Variants in AKT3 observed in about 807,000 individuals in gnomAD.
The protein encoded by AKT3 is AKT serine/threonine kinase 3, also known as RAC-gamma serine/threonine-protein kinase.
Under a neutral mutation model 65.3 loss-of-function variants are expected in AKT3, and 15 were observed. The ratio of observed to expected loss-of-function variants is 0.23; its 90% confidence interval spans 0.15 to 0.35. The LOEUF is 0.35. Ranked by LOEUF, AKT3 falls within the 10% of genes least tolerant of loss-of-function variation. AKT3 has a pLI of 1.00. For missense variants in AKT3, 243 were observed against 576.5 expected (o/e 0.42, Z 5.92); for synonymous variants, 206 against 183.8 (o/e 1.12, Z -0.98).
intron 12 of AKT3, among the ~76,000 whole-genome samples, chr1:243,527,553 G>A (rs1671193471): frequency 6.6e-6 from 1 of 152,022 alleles, no homozygotes; most frequent in Non-Finnish European, 1.5e-5. Flanking sequence ...ATTGGGCTTT[G>A]GGATTTTCAA....
At chr1:243,848,410 G>A (rs944821244) in intron 1 of AKT3, among the ~76,000 whole-genome samples, 2 of 152,108 alleles carry the variant, frequency 1.3e-5, no homozygotes. Flanking sequence ...ATATTTTCAT[G>A]TTTTAGACAA....
intron 2 of AKT3, among the ~76,000 whole-genome samples, chr1:243,806,682 T>C (rs990432448): frequency 1.3e-5 from 2 of 152,214 alleles, no homozygotes; most frequent in Non-Finnish European, 2.9e-5. Flanking sequence ...AGCTATTTGA[T>C]GTGTCTCATT....
At chr1:243,830,305 G>A (rs1483822665) in intron 2 of AKT3, among the ~76,000 whole-genome samples, 1 of 152,140 alleles carries the variant, frequency 6.6e-6, no homozygotes, top group Non-Finnish European at 1.5e-5. Context: ...ACCATTTTAT[G>A]TAAGGGATTT....
At chr1:243,701,853 T>A (rs1031974937) in intron 2 of AKT3, among the ~76,000 whole-genome samples, 1 of 152,120 alleles carries the variant, frequency 6.6e-6, no homozygotes, top group African/African-American at 2.4e-5. Flanking sequence ...CAGGAATAGA[T>A]GTTACTGTTT....
chr1:243,662,315 A>C, intron 4 of AKT3, among the ~76,000 whole-genome samples: 1 of 152,188 alleles, frequency 6.6e-6, no homozygotes, highest in South Asian at 2.1e-4. Context: ...CCAAATGTCC[A>C]ACAATGATAG....
rs192949306 is a variant in AKT3, at chr1:243,678,958, G to A, written c.173-14075C>T. On this transcript the variant is annotated intron_variant, in intron 3 of 13. Transcript: ENST00000673466. ...TCTCTCCTGCCTTCTCCTTCCACCC[G>A]CTCCACATCTCTTCATCTCTGCCAC... Among the ~76,000 whole-genome samples the A allele has an allele frequency of 9.9e-5, 15 of 151,764 alleles. No individual in the cohort carries two copies. In the East Asian group the frequency reaches 1.4e-3, roughly 14 times the overall value.
Position 243,645,633 on chromosome 1 carries a change from A to T in AKT3, c.429+260T>A, listed in dbSNP as rs186441314. On this transcript the variant is annotated intron_variant, in intron 5 of 13. Transcript: ENST00000673466. ...TTAAAAATAATAAGGAAAAAATGCA[A>T]ATTATAAAGTAGTGTGATGGCACAT... 1.8e-3 allele frequency among the ~76,000 whole-genome samples: 277 copies of T among 152,334 alleles called. 3 individuals are homozygous for T. The highest frequency in any genetic ancestry group is 7.3e-4 in the Non-Finnish European group (50 of 68,030).
intron 4 of AKT3, among the ~76,000 whole-genome samples, chr1:243,653,669 C>G (rs77565876): frequency 1.8e-3 from 280 of 152,260 alleles, no homozygotes; most frequent in African/African-American, 6.5e-3. Context: ...TGTAGCTCCT[C>G]TACCAAGTGC....
At chr1:243,614,150 CA>C (rs1399499042) in intron 7 of AKT3, among the ~76,000 whole-genome samples, 3 of 152,110 alleles carry the variant, frequency 2.0e-5, no homozygotes, top group Non-Finnish European at 4.4e-5. Context: ...AATACAATGA[CA>C]ACATCACTTT....
intron 3 of AKT3, among the ~76,000 whole-genome samples, chr1:243,682,317 A>T (rs2147978935): frequency 6.6e-6 from 1 of 152,280 alleles, no homozygotes; most frequent in South Asian, 2.1e-4. Flanking sequence ...GCAAATTTTT[A>T]AAAAATAAAT....
chr1:243,775,506 C>G (rs1157067409), intron 2 of AKT3, among the ~76,000 whole-genome samples: 1 of 152,168 alleles, frequency 6.6e-6, no homozygotes, highest in Non-Finnish European at 1.5e-5. Context: ...CTAAGTCACT[C>G]ACCCACCGGC....
chr1:243,622,630 T>C (rs1678843664), intron 6 of AKT3, among the ~76,000 whole-genome samples: 1 of 152,184 alleles, frequency 6.6e-6, no homozygotes, highest in South Asian at 2.1e-4. Flanking sequence ...CCTTGGTGCA[T>C]GCTGCTGAAG....
At chr1:243,803,479 A>T (rs764755295) in intron 2 of AKT3, among the ~76,000 whole-genome samples, 7 of 152,182 alleles carry the variant, frequency 4.6e-5, no homozygotes, top group Non-Finnish European at 1.0e-4. Context: ...TTTTACTTAT[A>T]AAAAAGAAAA....
At chr1:243,707,328 T>C (rs2148063171) in intron 2 of AKT3, among the ~76,000 whole-genome samples, 1 of 152,322 alleles carries the variant, frequency 6.6e-6, no homozygotes, top group Non-Finnish European at 1.5e-5. Context: ...AAAATTTCTA[T>C]TTTTGTTATT....
intron 2 of AKT3, among the ~76,000 whole-genome samples, chr1:243,770,940 C>T (rs114101061): frequency 0.013 from 2,005 of 152,102 alleles, 25 homozygotes; most frequent in Middle Eastern, 0.034. Flanking sequence ...AGGGAAACAA[C>T]TGAGAAGCTC....
chr1:243,700,898 A>G (rs1685414222), intron 2 of AKT3, among the ~76,000 whole-genome samples: 1 of 152,178 alleles, frequency 6.6e-6, no homozygotes, highest in East Asian at 1.9e-4. Flanking sequence ...ATATTCAAAT[A>G]AATCATCTTT....
intron 2 of AKT3, among the ~76,000 whole-genome samples, chr1:243,834,531 A>C (rs1694765471): frequency 6.6e-6 from 1 of 152,320 alleles, no homozygotes; most frequent in Admixed American, 6.5e-5. Context: ...TTGAGTACAC[A>C]TTTGAGTACA....
intron 2 of AKT3, among the ~76,000 whole-genome samples, chr1:243,820,722 C>G (rs1022644148): frequency 6.6e-6 from 1 of 151,570 alleles, no homozygotes; most frequent in African/African-American, 2.4e-5. Context: ...ACTATCTTCC[C>G]AAGATTAGAG....
intron 6 of AKT3, among the ~76,000 whole-genome samples, chr1:243,634,511 G>A (rs1472814633): frequency 6.6e-6 from 1 of 151,876 alleles, no homozygotes; most frequent in Non-Finnish European, 1.5e-5. Flanking sequence ...TTATTGTGAT[G>A]CATATGGTCT....
Sources: allele counts gnomAD v4.1 joint callset (sites outside exome capture counted in the v4.1 genomes callset), GRCh38; gene constraint gnomAD v4.1.1; transcripts MANE v1.5; gene names NCBI Gene and HGNC (gene_info 2026-07-23, HGNC 2026-07-21).